The following AUTS2 variants were observed in gnomAD, a reference collection of about 807,000 sequenced individuals.
AUTS2 encodes the protein activator of transcription and developmental regulator AUTS2, also known as autism susceptibility gene 2 protein.
A neutral mutation model predicts 112.4 loss-of-function variants in AUTS2; 17 were observed. That is an observed-to-expected ratio of 0.15 (90% CI 0.10 to 0.23). The LOEUF (loss-of-function observed/expected upper bound fraction) is 0.23. Among genes scored for constraint, AUTS2 ranks in the 10% least tolerant of loss-of-function variants. The probability of loss-of-function intolerance (pLI) is 1.00; values close to 1 mark genes in which losing one functional copy is unlikely to be tolerated. For synonymous variants in AUTS2, 751 were observed against 702.7 expected (o/e 1.07, Z -1.09); for missense variants, 1,510 against 1,701.6 (o/e 0.89, Z 1.98).
intron 5 of AUTS2, among the ~76,000 whole-genome samples, chr7:70,555,762 C>T (rs1312079207): frequency 1.3e-5 from 2 of 151,436 alleles, no homozygotes; most frequent in Non-Finnish European, 2.9e-5. Flanking sequence ...GCCATAAAAG[C>T]ATGGCACTGG....
intron 5 of AUTS2, among the ~76,000 whole-genome samples, chr7:70,696,105 C>T (rs796543743): frequency 7.2e-5 from 11 of 152,250 alleles, no homozygotes; most frequent in African/African-American, 2.6e-4. Context: ...AAATGATAAA[C>T]ATCCCCAAGA....
intron 1 of AUTS2, among the ~76,000 whole-genome samples, chr7:69,667,409 A>G (rs1222466581): frequency 7.0e-6 from 1 of 142,436 alleles, no homozygotes; most frequent in Non-Finnish European, 1.5e-5. Context: ...GCTGGAGTGC[A>G]GTGAGATGTT....
At chr7:70,088,642 T>C (rs745706345) in intron 2 of AUTS2, among the ~76,000 whole-genome samples, 1 of 151,940 alleles carries the variant, frequency 6.6e-6, no homozygotes, top group Non-Finnish European at 1.5e-5. Flanking sequence ...GACAAAGTCT[T>C]GCTCTTGTCC....
At chr7:70,355,167 C>G (rs189847879) in intron 4 of AUTS2, among the ~76,000 whole-genome samples, 1 of 151,692 alleles carries the variant, frequency 6.6e-6, no homozygotes, top group East Asian at 1.9e-4. Flanking sequence ...CTTGTCTTAA[C>G]GAGTTTCCGA....
chr7:70,430,246 A>G (rs2130804712), intron 4 of AUTS2, among the ~76,000 whole-genome samples: 1 of 152,318 alleles, frequency 6.6e-6, no homozygotes, highest in African/African-American at 2.4e-5. Flanking sequence ...TACCAAGGGC[A>G]ACGTGGGAGA....
chr7:69,769,642 G>A (rs550451110), intron 1 of AUTS2, among the ~76,000 whole-genome samples: 6 of 152,234 alleles, frequency 3.9e-5, no homozygotes, highest in Admixed American at 3.9e-4. Flanking sequence ...TGCCTTTATT[G>A]TCTAGAAATT....
At chr7:69,625,300 T>C (rs1793893011) in intron 1 of AUTS2, among the ~76,000 whole-genome samples, 1 of 152,238 alleles carries the variant, frequency 6.6e-6, no homozygotes, top group South Asian at 2.1e-4. Flanking sequence ...ACAAAGTGCC[T>C]GTGAAACTTG....
At chr7:69,995,360 C>T (rs1190773889) in intron 2 of AUTS2, among the ~76,000 whole-genome samples, 2 of 152,100 alleles carry the variant, frequency 1.3e-5, no homozygotes, top group African/African-American at 4.8e-5. Context: ...GTAATTCAAC[C>T]TGTTGAATGC....
At chr7:69,741,782 C>T (rs1034318255) in intron 1 of AUTS2, among the ~76,000 whole-genome samples, 5 of 151,292 alleles carry the variant, frequency 3.3e-5, no homozygotes, top group African/African-American at 1.2e-4. Flanking sequence ...TACTGCCACC[C>T]CAACCTAAAT....
chr7:70,099,776 G>C (rs1804389818), intron 2 of AUTS2, among the ~76,000 whole-genome samples: 1 of 152,120 alleles, frequency 6.6e-6, no homozygotes, highest in African/African-American at 2.4e-5. Flanking sequence ...ACATTTTCTT[G>C]TAGTATTTCC....
At chr7:70,098,045 G>A (rs1317666041) in intron 2 of AUTS2, among the ~76,000 whole-genome samples, 2 of 152,164 alleles carry the variant, frequency 1.3e-5, no homozygotes, top group African/African-American at 2.4e-5. Flanking sequence ...AGCTGGGTGT[G>A]AGCTAAAGGT....
At chr7:69,782,097 G>A (rs1789168628) in intron 1 of AUTS2, among the ~76,000 whole-genome samples, 1 of 152,178 alleles carries the variant, frequency 6.6e-6, no homozygotes. Flanking sequence ...TCGCGGCCCG[G>A]CTCACACCTG....
chr7:69,655,039 G>T (rs554156414), intron 1 of AUTS2, among the ~76,000 whole-genome samples: 2 of 152,138 alleles, frequency 1.3e-5, no homozygotes, highest in South Asian at 4.2e-4. Flanking sequence ...CAAGTGTGTC[G>T]CCCAGCAGCC....
chr7:69,972,001 A>G (rs1797868786), intron 2 of AUTS2, among the ~76,000 whole-genome samples: 1 of 152,198 alleles, frequency 6.6e-6, no homozygotes. Context: ...TTAAGAAGCC[A>G]CCAAACTGTC....
chr7:69,728,680 C>CTTT lies in AUTS2; in HGVS notation c.309+128734_309+128736dup, dbSNP rs5884765. On this transcript the variant is annotated intron_variant, in intron 1 of 18. Transcript: ENST00000342771. Reference sequence around the variant, plus strand: ...AGGCTGGTAGGTTGCTTGCTTGTGGCTTTTTTTTTTTTTTTTTTAATTTAA... The same window carrying CTTT: ...AGGCTGGTAGGTTGCTTGCTTGTGGCTTTTTTTTTTTTTTTTTTTTTAATTTAA... Among the ~76,000 whole-genome samples the CTTT allele has an allele frequency of 2.9e-3, 367 of 128,678 alleles. 2 individuals carry two copies. Among genetic ancestry groups the CTTT allele is most frequent in the Middle Eastern group, 0.012 (3 of 242 alleles). The allele number at this position is 128,678 out of a possible 152,430, so 84.4% of individuals were successfully genotyped here.
chr7:70,461,294 C>T (rs1451918456), intron 5 of AUTS2, among the ~76,000 whole-genome samples: 1 of 152,148 alleles, frequency 6.6e-6, no homozygotes, highest in African/African-American at 2.4e-5. Flanking sequence ...AATAGGAACG[C>T]TTCGAACTGC....
chr7:70,219,226 C>G (rs145306071), intron 4 of AUTS2, among the ~76,000 whole-genome samples: 1 of 152,184 alleles, frequency 6.6e-6, no homozygotes, highest in East Asian at 1.9e-4. Flanking sequence ...GCTAGTGATA[C>G]ATTTTTATTT....
intron 1 of AUTS2, among the ~76,000 whole-genome samples, chr7:69,706,589 G>A (rs1274442048): frequency 6.6e-6 from 1 of 152,154 alleles, no homozygotes; most frequent in Admixed American, 6.5e-5. Flanking sequence ...TAATTTACTT[G>A]ACTCAAATAT....
chr7:70,204,077 C>T (rs1161453071), intron 4 of AUTS2, among the ~76,000 whole-genome samples: 5 of 151,750 alleles, frequency 3.3e-5, no homozygotes, highest in Non-Finnish European at 7.4e-5. Flanking sequence ...GTTATTTTCC[C>T]TCTTTTATGT....
Sources: allele counts gnomAD v4.1 joint callset (sites outside exome capture counted in the v4.1 genomes callset), GRCh38; gene constraint gnomAD v4.1.1; transcripts MANE v1.5; gene names NCBI Gene and HGNC (gene_info 2026-07-23, HGNC 2026-07-21).